The following ARMC3 variants were observed in gnomAD, a reference collection of about 807,000 sequenced individuals.
ARMC3 encodes the protein armadillo repeat containing 3.
ARMC3 carries 74 observed loss-of-function variants against 90.3 expected under a neutral mutation model. That is an observed-to-expected ratio of 0.82 (90% CI 0.68 to 0.99). ARMC3 has a LOEUF of 0.99. ARMC3 is among the 50% of genes least tolerant of loss of function. ARMC3 has a pLI of 0.00. For synonymous variants in ARMC3, 334 were observed against 361.8 expected (o/e 0.92, Z 0.87); for missense variants, 958 against 1,042.8 (o/e 0.92, Z 1.12).
intron 8 of ARMC3, among the ~76,000 whole-genome samples, chr10:22,973,694 TGTTAG>T (rs1404527957): frequency 6.6e-6 from 1 of 151,402 alleles, no homozygotes; most frequent in African/African-American, 2.4e-5. Flanking sequence ...AAGAGTAGTA[TGTTAG>T]AAGTTTCCCA....
chr10:23,004,528 G>A (rs545143153), intron 13 of ARMC3, among the ~76,000 whole-genome samples: 6 of 152,230 alleles, frequency 3.9e-5, no homozygotes, highest in Middle Eastern at 3.4e-3. Flanking sequence ...CTGAGGTCAT[G>A]GGAAAACTCA....
chr10:22,934,728 C>T lies in ARMC3; in HGVS notation c.48+2684C>T, dbSNP rs181038007. On this transcript the variant is annotated intron_variant, in intron 2 of 18. Transcript: ENST00000298032. ...ACTGCTTAATTCATAGGAATACCCA[C>T]TCACATCAGTGAAGGAAGGTTAGAT... Among the ~76,000 whole-genome samples the T allele has an allele frequency of 3.3e-5, 5 of 152,304 alleles. No individual in the cohort carries two copies. The East Asian group carries it at 5.8e-4, about 18-fold the overall frequency.
intron 10 of ARMC3, among the ~76,000 whole-genome samples, chr10:22,992,958 GC>G (rs138829770): frequency 0.18 from 27,325 of 150,534 alleles, 2,540 homozygotes; most frequent in African/African-American, 0.21. Context: ...CAGAGTGTCT[GC>G]CGCCAATATG....
chr10:22,986,477 T>C (rs1300432), intron 10 of ARMC3, among the ~76,000 whole-genome samples: 16,451 of 149,686 alleles, frequency 0.11, 1,398 homozygotes, highest in East Asian at 0.35. Context: ...GCTTGAACCC[T>C]GTAGGCAGAG....
intron 16 of ARMC3, among the ~76,000 whole-genome samples, chr10:23,027,394 T>G (rs751655026): frequency 1.3e-5 from 2 of 152,240 alleles, no homozygotes; most frequent in Non-Finnish European, 2.9e-5. Context: ...CAATTGTAAA[T>G]GCTTCAAACA....
intron 10 of ARMC3, among the ~76,000 whole-genome samples, chr10:22,987,983 C>A (rs1178519080): frequency 1.3e-5 from 2 of 152,066 alleles, no homozygotes; most frequent in Non-Finnish European, 2.9e-5. Flanking sequence ...CAGGACCGCA[C>A]AAGGGAATGA....
At chr10:22,987,917 A>ACAGCTCTTCC (rs1836528221) in intron 10 of ARMC3, among the ~76,000 whole-genome samples, 1 of 152,238 alleles carries the variant, frequency 6.6e-6, no homozygotes, top group African/African-American at 2.4e-5. Context: ...CTTCTACAAT[A>ACAGCTCTTCC]CCAGAGACAA....
Position 22,946,149 on chromosome 10 carries a change from C to T in ARMC3, c.54C>T (p.Asp18=), listed in dbSNP as rs1315816924. Residue 18 remains aspartate (D), a synonymous_variant, in exon 3 of 19, where the codon GAC becomes GAT. Coordinates refer to ENST00000298032, the MANE Select transcript of ARMC3 (RefSeq NM_173081.5). ...GTTTTCTTTCTGCCTTTCAGTTTGA[C>T]CCATTAATGATTGAAAGCAAAAAAG... is the stretch of plus-strand genomic sequence containing the variant. ...EVEPPPKDVF[D]PLMIESKKAA... The T allele has an allele frequency of 1.5e-5, 24 of 1,602,958 alleles. No homozygotes were observed. The highest frequency in any genetic ancestry group is 2.0e-5 in the Non-Finnish European group (24 of 1,173,328).
chr10:23,034,085 G>T (rs1196729658), intron 18 of ARMC3, among the ~76,000 whole-genome samples: 2 of 152,010 alleles, frequency 1.3e-5, no homozygotes, highest in African/African-American at 4.8e-5. Context: ...AGTTCCAAGC[G>T]AATTCTATTA....
intron 17 of ARMC3, among the ~76,000 whole-genome samples, 199 bp from the exon 18 acceptor site, chr10:23,032,658 TTATA>T (rs2131571572): frequency 6.6e-6 from 1 of 152,330 alleles, no homozygotes; most frequent in African/African-American, 2.4e-5. Context: ...GAATTTCAGT[TTATA>T]TATGATGGTT....
At chr10:22,942,243 A>G (rs937269086) in intron 2 of ARMC3, among the ~76,000 whole-genome samples, 43 of 152,174 alleles carry the variant, frequency 2.8e-4, no homozygotes, top group African/African-American at 1.0e-3. Context: ...GTCAAGTTGT[A>G]TCTTTCACCA....
At chr10:22,946,087 T>C (rs1292089056) in intron 2 of ARMC3, 57 bp from the exon 3 acceptor site, 17 of 1,268,098 alleles carry the variant, frequency 1.3e-5, no homozygotes, top group Non-Finnish European at 1.8e-5. Context: ...CCATTCATTT[T>C]TAATGTGATT....
intron 8 of ARMC3, among the ~76,000 whole-genome samples, chr10:22,972,560 C>T (rs1344854696): frequency 6.6e-6 from 1 of 152,148 alleles, no homozygotes; most frequent in African/African-American, 2.4e-5. Flanking sequence ...AGTTGTGTCT[C>T]CTGTCTTTAT....
rs1459189291 is a variant in ARMC3, at chr10:23,010,811, GCTCCTTCCCTTGCCTCTCCT to G, written c.2045+1932_2045+1951del. Among the ~76,000 whole-genome samples, 420 of 84,470 alleles carry G rather than the reference GCTCCTTCCCTTGCCTCTCCT, an allele frequency of 5.0e-3. 15 individuals carry two copies. The highest frequency in any genetic ancestry group is 0.019 in the African/African-American group (305 of 16,032). 55.4% of individuals were successfully genotyped at this position (84,470 alleles called of 152,430 possible). ...CTCCTCTCCTTTGCTCTCTCTCCCT[GCTCCTTCCCTTGCCTCTCCT>G]CTCCTTCCCTTGCCTCTCCTCTCCT... On this transcript the variant is annotated intron_variant, in intron 16 of 18. Transcript: ENST00000298032.
At chr10:22,943,237 A>G (rs1057241394) in intron 2 of ARMC3, among the ~76,000 whole-genome samples, 11 of 152,022 alleles carry the variant, frequency 7.2e-5, no homozygotes, top group African/African-American at 2.7e-4. Flanking sequence ...TATTTACCCT[A>G]GTGATGTTTA....
chr10:22,993,482 C>A lies in ARMC3; in HGVS notation c.1176-4666C>A, dbSNP rs150727833. Among the ~76,000 whole-genome samples, 573 of 152,306 alleles carry A rather than the reference C, an allele frequency of 3.8e-3. 7 individuals are homozygous for A. The highest frequency in any genetic ancestry group is 0.012 in the African/African-American group (514 of 41,570). On this transcript the variant is annotated intron_variant, in intron 10 of 18. Coordinates refer to ENST00000298032, the MANE Select transcript of ARMC3 (RefSeq NM_173081.5). ...ACTGGAAATCGCAGTGTTGCTGGAT[C>A]CTATCCCTTCTTGCAAACTTAAAGC...
chr10:23,033,247 G>A (rs528935483), intron 18 of ARMC3, among the ~76,000 whole-genome samples: 7 of 152,092 alleles, frequency 4.6e-5, no homozygotes, highest in Admixed American at 2.6e-4. Context: ...ATAGTCAACA[G>A]ACTACTAGAA....
chr10:22,948,202 T>C (rs1834613101), intron 3 of ARMC3, among the ~76,000 whole-genome samples: 1 of 152,196 alleles, frequency 6.6e-6, no homozygotes, highest in Admixed American at 6.5e-5. Context: ...TTCTGGAAGT[T>C]ACTATATCTT....
At chr10:23,022,696 C>A (rs891572549) in intron 16 of ARMC3, among the ~76,000 whole-genome samples, 1 of 152,128 alleles carries the variant, frequency 6.6e-6, no homozygotes, top group Non-Finnish European at 1.5e-5. Context: ...AGACAACTTC[C>A]CTTTTCCCCC....
Sources: gnomAD v4.1 joint callset for allele counts (sites outside exome capture counted in the v4.1 genomes callset) on GRCh38, gnomAD v4.1.1 for gene constraint, MANE v1.5 for transcripts, NCBI Gene and HGNC (gene_info 2026-07-23, HGNC 2026-07-21) for gene names.